The following RBM10 variants were observed in gnomAD, a reference collection of about 807,000 sequenced individuals.
RBM10 encodes the protein RNA-binding protein 10.
RBM10 carries 1 observed loss-of-function variant against 84.9 expected under a neutral mutation model. The ratio of observed to expected loss-of-function variants is 0.01; its 90% confidence interval spans 0.00 to 0.06. The LOEUF (loss-of-function observed/expected upper bound fraction) is 0.06. RBM10 is among the 10% of genes least tolerant of loss of function. The pLI is 1.00. For missense variants in RBM10, 438 were observed against 839.0 expected, an observed-to-expected ratio of 0.52 and a Z score of 5.90; for synonymous variants, 326 against 344.5, an observed-to-expected ratio of 0.95 and a Z score of 0.60.
Position 47,169,453 on chromosome X carries a change from G to A in RBM10, c.156G>A (p.Glu52=), listed in dbSNP as rs781831956. 7 of 1,210,275 alleles carry A rather than the reference G, an allele frequency of 5.8e-6. No homozygotes were observed. Among genetic ancestry groups the A allele is most frequent in the African/African-American group, 1.7e-5 (1 of 57,481 alleles). Residue 52 remains glutamate (E), a synonymous_variant, in exon 3 of 24, where the codon GAG becomes GAA. Transcript: ENST00000377604. ...RSYPREYGSQ[E]GKHDYDDSSE... is the part of the protein sequence containing the mutation. ...ATCCTCGCGAGTATGGCAGCCAGGA[G>A]GGCAAGCATGACTATGACGACTCAT...
intron 15 of RBM10, 23 bp downstream of exon 15, chrX:47,181,889 T>A (rs2147193938): frequency 8.3e-7 from 1 of 1,211,143 alleles, no homozygotes; most frequent in Non-Finnish European, 1.1e-6. Context: ...AGCCTGTGGG[T>A]AGGGGTGGGG....
chrX:47,179,866 G>A lies in RBM10; in HGVS notation c.902-14G>A, dbSNP rs2147172217. On this transcript the variant is annotated splice_polypyrimidine_tract_variant and intron_variant, in intron 9 of 23. Transcript: ENST00000377604. ...TGCCAGGGGTGTCCTCTAACATTGG[G>A]CCCCTTCCCACAGCCATCATTTTGC... 1.1e-5 allele frequency: 13 copies of A among 1,199,519 alleles called. No individual in the cohort carries two copies. The highest frequency in any genetic ancestry group is 1.5e-5 in the Non-Finnish European group (13 of 889,469).
chrX:47,145,383 T>G lies in RBM10; in HGVS notation c.-228T>G. On this transcript the variant is annotated 5_prime_UTR_variant, in exon 1 of 24. Transcript: ENST00000377604. ...GATCTGCCTCCAGTCTCGGACTTGG[T>G]TGTTGCGCGCTCCGGCTCCGGCTGA... The G allele has an allele frequency of 7.4e-6, 8 of 1,081,480 alleles. No homozygotes were observed. The highest frequency in any genetic ancestry group is 2.0e-5 in the South Asian group (1 of 51,177). 89.1% of individuals were successfully genotyped at this position (1,081,480 alleles called of 1,213,427 possible).
At chrX:47,155,405 G>T (rs1431491646) in intron 2 of RBM10, among the ~76,000 whole-genome samples, 4 of 110,582 alleles carry the variant, frequency 3.6e-5, no homozygotes, top group Admixed American at 1.9e-4. Context: ...CCATAGTTTA[G>T]TGTGAAATTT....
At position 47,157,780 on chromosome X, in the gene RBM10, C is replaced by CTT. The variant is rs147325464; in HGVS notation, c.17+10299_17+10300dup. The CTT allele has an allele frequency of 6.7e-3, 2,027 of 303,634 alleles. 1 individual carries two copies. The highest frequency in any genetic ancestry group is 0.016 in the South Asian group (282 of 17,962). 25.0% of individuals were successfully genotyped at this position (303,634 alleles called of 1,213,427 possible). A position where few individuals can be genotyped will look rare whatever the true frequency, so the allele number is the denominator to read the frequency against. On this transcript the variant is annotated intron_variant, in intron 2 of 23. Coordinates refer to ENST00000377604, the MANE Select transcript of RBM10 (RefSeq NM_005676.5). ...GGCCGGCTGAGGTTCAGCTGCATGACTTTTTTTTTTTTTTTTTTGAGATCA... is the reference window on the plus strand; with the variant it reads ...GGCCGGCTGAGGTTCAGCTGCATGACTTTTTTTTTTTTTTTTTTTTGAGATCA...
In RBM10 at chrX:47,183,802, T is replaced by C. The variant is rs781899495; in HGVS notation, c.1951-1253T>C. Among the ~76,000 whole-genome samples the C allele has an allele frequency of 2.7e-5, 3 of 109,845 alleles. No individual in the cohort carries two copies. In the Admixed American group the frequency reaches 2.9e-4, roughly 11 times the overall value. On this transcript the variant is annotated intron_variant, in intron 17 of 23. Transcript: ENST00000377604. ...GCCTCCACCTCCTGGGTTCAAGCAA[T>C]TCTCCTCCCTCAGCCTCCCGAGTAG...
intron 4 of RBM10, among the ~76,000 whole-genome samples, chrX:47,172,277 G>A (rs1297360405): frequency 5.3e-5 from 6 of 112,354 alleles, no homozygotes; most frequent in African/African-American, 1.9e-4. Flanking sequence ...TGCTTCCTCA[G>A]CCTTCCCTGA....
chrX:47,183,599 A>T (rs1463071085), intron 17 of RBM10, among the ~76,000 whole-genome samples: 1 of 111,037 alleles, frequency 9.0e-6, no homozygotes, highest in Non-Finnish European at 1.9e-5. Flanking sequence ...CTTAATGGGT[A>T]TGATGTACAT....
intron 5 of RBM10, among the ~76,000 whole-genome samples, chrX:47,174,395 G>A (rs1229344551): frequency 4.5e-5 from 5 of 111,597 alleles, no homozygotes; most frequent in African/African-American, 6.5e-5. Flanking sequence ...GCTCCCTAGC[G>A]AGGCCCGCCT....
chrX:47,177,748 G>A (rs1033796671), intron 7 of RBM10, among the ~76,000 whole-genome samples: 4 of 111,060 alleles, frequency 3.6e-5, no homozygotes, highest in Non-Finnish European at 7.6e-5. Flanking sequence ...GACCACAGGC[G>A]CATGCCACCA....
intron 3 of RBM10, 81 bp from the exon 4 acceptor site, chrX:47,170,947 C>T: frequency 9.7e-7 from 1 of 1,033,317 alleles, no homozygotes; most frequent in Non-Finnish European, 1.4e-6. Flanking sequence ...GCCTGCCTGC[C>T]TCACAGAGCC....
intron 17 of RBM10, among the ~76,000 whole-genome samples, chrX:47,184,531 A>T (rs1172170336): frequency 1.8e-5 from 2 of 112,175 alleles, no homozygotes; most frequent in African/African-American, 6.5e-5. Flanking sequence ...ACAGCCAGAG[A>T]GGGGCTTGGC....
Position 47,179,941 on chromosome X carries a change from A to T in RBM10, c.963A>T (p.Ala321=), listed in dbSNP as rs782146053. ...STMDSILGAL[A]PYAVLSSSNV... ...TGGATTCCATCCTGGGGGCCCTGGC[A>T]CCCTACGCGGTGCTGTCCTCCTCCA... The change falls in exon 10 of 24, where the codon GCA becomes GCT. Residue 321 remains alanine, a synonymous_variant. Coordinates refer to ENST00000377604, the MANE Select transcript of RBM10 (RefSeq NM_005676.5). 1 of 1,210,111 alleles carries T rather than the reference A, an allele frequency of 8.3e-7. No individual in the cohort carries two copies. The highest frequency in any genetic ancestry group is 1.1e-6 in the Non-Finnish European group (1 of 894,612).
intron 4 of RBM10, 119 bp downstream of exon 4, chrX:47,171,377 C>T: frequency 9.6e-7 from 1 of 1,047,016 alleles, no homozygotes. Flanking sequence ...TCTCCCCCTC[C>T]AGCTCCTATC....
chrX:47,186,579 C>T lies in RBM10; in HGVS notation c.2773C>T (p.Arg925Cys). 8.3e-7 allele frequency: 1 copy of T among 1,211,749 alleles called. No homozygotes were observed. The highest frequency in any genetic ancestry group is 1.1e-6 in the Non-Finnish European group (1 of 895,472). The change falls in exon 24 of 24, where the codon CGC (arginine) becomes TGC (cysteine). Residue 925 changes from arginine (R) to cysteine (C), a missense_variant. By Grantham distance (180) the Arg-to-Cys change is radical. Coordinates refer to ENST00000377604, the MANE Select transcript of RBM10 (RefSeq NM_005676.5). ...KETLHKTMVT[R>C]FNEAQ ...GACACTGCACAAGACAATGGTGACC[C>T]GCTTCAACGAGGCCCAGTGAGCAGC...
intron 2 of RBM10, among the ~76,000 whole-genome samples, chrX:47,160,844 A>ATATT (rs1409031075): frequency 8.9e-6 from 1 of 112,416 alleles, no homozygotes; most frequent in Non-Finnish European, 1.9e-5. Flanking sequence ...CAGATAGTAA[A>ATATT]TATTTTTGGC....
In RBM10 at chrX:47,172,220, G is replaced by T. The variant is rs1934729082; in HGVS notation, c.433-908G>T. Reference sequence around the variant, plus strand: ...CATAGCCAGTGAGTGGCAGAGCAGAGCTGGAGTCTGAACCCGGGCAGCTGG... The same window carrying T: ...CATAGCCAGTGAGTGGCAGAGCAGATCTGGAGTCTGAACCCGGGCAGCTGG... On this transcript the variant is annotated intron_variant, in intron 4 of 23. Transcript: ENST00000377604. Among the ~76,000 whole-genome samples, 3 of 112,578 alleles carry T rather than the reference G, an allele frequency of 2.7e-5. No individual in the cohort carries two copies. In the South Asian group the frequency reaches 1.1e-3, roughly 41 times the overall value.
At chrX:47,175,559 T>C (rs1253838866) in intron 6 of RBM10, among the ~76,000 whole-genome samples, 3 of 111,618 alleles carry the variant, frequency 2.7e-5, no homozygotes, top group African/African-American at 9.8e-5. Flanking sequence ...GCCCCATCCC[T>C]GCATGTGAAT....
chrX:47,180,473 T>G lies in RBM10; in HGVS notation c.1215T>G (p.Thr405=). 8.3e-7 allele frequency: 1 copy of G among 1,210,759 alleles called. No homozygotes were observed. Among genetic ancestry groups the G allele is most frequent in the Non-Finnish European group, 1.1e-6 (1 of 895,264 alleles). The change falls in exon 12 of 24, where the codon ACT becomes ACG. Residue 405 remains threonine (T), a synonymous_variant. Coordinates refer to ENST00000377604, the MANE Select transcript of RBM10 (RefSeq NM_005676.5). Reference sequence around the variant, plus strand: ...TCAGTGCTGCCTCTGTGGCCAGCACTGCCATTGCTGCGGCCCAGTGGGCCA... The same window carrying G: ...TCAGTGCTGCCTCTGTGGCCAGCACGGCCATTGCTGCGGCCCAGTGGGCCA... ...SRISAASVAS[T]AIAAAQWAIS... is the part of the protein sequence containing the mutation.
Sources: gnomAD v4.1 joint callset for allele counts (sites outside exome capture counted in the v4.1 genomes callset) on GRCh38, gnomAD v4.1.1 for gene constraint, MANE v1.5 for transcripts, NCBI Gene and HGNC (gene_info 2026-07-23, HGNC 2026-07-21) for gene names.